PTPRD: variants seen among roughly 807,000 people sequenced by gnomAD.
PTPRD encodes protein tyrosine phosphatase receptor type D.
In PTPRD, 34 loss-of-function variants were observed where a neutral mutation model predicts 214.5. The observed-to-expected ratio is 0.16, with a 90% CI of 0.12 to 0.21. The LOEUF (loss-of-function observed/expected upper bound fraction) is 0.21. PTPRD is among the 10% of genes least tolerant of loss of function. PTPRD has a pLI of 1.00. For missense variants in PTPRD, 2,545 were observed against 2,398.7 expected (o/e 1.06, Z -1.27); for synonymous variants, 1,128 against 845.7 (o/e 1.33, Z -5.79).
At position 8,437,385 on chromosome 9, in the gene PTPRD, C is replaced by A. The variant is rs1042481512; in HGVS notation, c.3989-696G>T. The A allele has an allele frequency of 2.0e-5, 12 of 598,522 alleles. No homozygotes were observed. The African/African-American group carries it at 2.2e-4, about 11-fold the overall frequency. 37.1% of individuals were successfully genotyped at this position (598,522 alleles called of 1,614,324 possible). On this transcript the variant is annotated intron_variant, in intron 34 of 45. Coordinates refer to ENST00000381196, the MANE Select transcript of PTPRD (RefSeq NM_002839.4). The stretch of plus-strand genomic sequence containing the variant: ...AATTCACTATACATTGTGGCTAGTA[C>A]AATGTGACTACTACATTAAGATCGC...
intron 7 of PTPRD, among the ~76,000 whole-genome samples, chr9:9,621,305 C>T (rs1034685739): frequency 6.6e-6 from 1 of 152,138 alleles, no homozygotes; most frequent in Non-Finnish European, 1.5e-5. Context: ...TAAAAACATT[C>T]CCATTTTTCT....
intron 12 of PTPRD, among the ~76,000 whole-genome samples, chr9:8,667,561 C>A (rs887172097): frequency 6.6e-6 from 1 of 151,884 alleles, no homozygotes; most frequent in Non-Finnish European, 1.5e-5. Flanking sequence ...ATTTCATGCA[C>A]AAACTTATTT....
intron 4 of PTPRD, among the ~76,000 whole-genome samples, chr9:10,010,270 T>C (rs1399646194): frequency 6.6e-6 from 1 of 151,942 alleles, no homozygotes; most frequent in East Asian, 1.9e-4. Context: ...TTTTAAATTA[T>C]TTTAAAATGT....
intron 9 of PTPRD, among the ~76,000 whole-genome samples, chr9:9,315,681 T>G (rs1962411942): frequency 6.6e-6 from 1 of 151,794 alleles, no homozygotes; most frequent in African/African-American, 2.4e-5. Context: ...ACACATTTGC[T>G]ACTGTAGAAT....
Position 9,124,061 on chromosome 9 carries a change from C to A in PTPRD, c.-143+59243G>T, listed in dbSNP as rs567711304. Among the ~76,000 whole-genome samples, 62 of 152,148 alleles carry A rather than the reference C, an allele frequency of 4.1e-4. 4 individuals are homozygous for A. In the South Asian group the frequency reaches 0.012, roughly 30 times the overall value. On this transcript the variant is annotated intron_variant, in intron 10 of 45. Coordinates refer to ENST00000381196, the MANE Select transcript of PTPRD (RefSeq NM_002839.4). ...GGTAAACTGCCTAGGAAGTTAATAC[C>A]ACTAGTAAGCAAGGCATCAAGCAAT...
chr9:8,905,155 G>C (rs1018233690), intron 11 of PTPRD, among the ~76,000 whole-genome samples: 1 of 152,136 alleles, frequency 6.6e-6, no homozygotes, highest in East Asian at 1.9e-4. Flanking sequence ...TGAAGCTAAA[G>C]GATTTATGTA....
chr9:9,772,303 C>T (rs1213590451), intron 5 of PTPRD, among the ~76,000 whole-genome samples: 2 of 152,148 alleles, frequency 1.3e-5, no homozygotes, highest in African/African-American at 4.8e-5. Context: ...AACTTTTAGC[C>T]TACAAAATCA....
chr9:9,987,159 CCTTTTCTCTGGGTAGGCTGA>C (rs2095743679), intron 4 of PTPRD, among the ~76,000 whole-genome samples: 1 of 152,092 alleles, frequency 6.6e-6, no homozygotes, highest in African/African-American at 2.4e-5. Context: ...CAACCAACAA[CCTTTTCTCTGGGTAGGCTGA>C]CTATTAATAG....
chr9:10,346,292 T>C (rs950136743), intron 2 of PTPRD, among the ~76,000 whole-genome samples: 1 of 152,182 alleles, frequency 6.6e-6, no homozygotes, highest in Admixed American at 6.5e-5. Flanking sequence ...GACCTTGTTA[T>C]GTCCAGGAAT....
chr9:10,073,316 C>A (rs2098068622), intron 3 of PTPRD, among the ~76,000 whole-genome samples: 1 of 151,950 alleles, frequency 6.6e-6, no homozygotes, highest in South Asian at 2.1e-4. Context: ...GCAGAAGGGG[C>A]TGCCATAAGT....
At chr9:8,612,003 G>C (rs1232332029) in intron 14 of PTPRD, among the ~76,000 whole-genome samples, 3 of 125,246 alleles carry the variant, frequency 2.4e-5, no homozygotes, top group Non-Finnish European at 3.4e-5. Flanking sequence ...GTTTGGGAGG[G>C]GAGGGAAAGA....
chr9:10,603,406 G>C (rs145310139), intron 2 of PTPRD, among the ~76,000 whole-genome samples: 1 of 151,790 alleles, frequency 6.6e-6, no homozygotes, highest in Admixed American at 6.6e-5. Flanking sequence ...ATGATAACTT[G>C]TGCTCACTTC....
chr9:9,510,381 G>T (rs1011470291), intron 8 of PTPRD, among the ~76,000 whole-genome samples: 1 of 151,212 alleles, frequency 6.6e-6, no homozygotes, highest in South Asian at 2.1e-4. Context: ...AAACTTCCCA[G>T]CATATATTAG....
At chr9:9,689,647 C>A (rs2097229866) in intron 7 of PTPRD, among the ~76,000 whole-genome samples, 1 of 151,828 alleles carries the variant, frequency 6.6e-6, no homozygotes, top group African/African-American at 2.4e-5. Flanking sequence ...CTCCTCCCCT[C>A]TACTCTTCAT....
intron 7 of PTPRD, among the ~76,000 whole-genome samples, chr9:9,660,320 A>T (rs923315622): frequency 1.3e-5 from 2 of 151,956 alleles, no homozygotes; most frequent in African/African-American, 4.8e-5. Context: ...TGAAGAATAG[A>T]CTATAGGGAG....
intron 8 of PTPRD, among the ~76,000 whole-genome samples, chr9:9,516,303 A>G (rs552651959): frequency 1.3e-5 from 2 of 152,100 alleles, no homozygotes; most frequent in African/African-American, 4.8e-5. Context: ...GAGCAGTGAC[A>G]CCATTCAGCT....
At chr9:8,705,370 C>T (rs1232124021) in intron 12 of PTPRD, among the ~76,000 whole-genome samples, 1 of 152,284 alleles carries the variant, frequency 6.6e-6, no homozygotes, top group African/African-American at 2.4e-5. Flanking sequence ...CAGGCACCTG[C>T]TACCACGCCC....
intron 11 of PTPRD, among the ~76,000 whole-genome samples, chr9:8,880,146 T>C (rs924208038): frequency 1.3e-5 from 2 of 151,930 alleles, no homozygotes; most frequent in Non-Finnish European, 1.5e-5. Context: ...AAAGGTGGCA[T>C]TTTTTTCTCA....
In PTPRD at chr9:8,940,859, G is replaced by GACA. The variant is rs142873655; in HGVS notation, c.-104+77837_-104+77838insTGT. 3.8e-5 allele frequency among the ~76,000 whole-genome samples: 3 copies of GACA among 78,418 alleles called. No homozygotes were observed. The East Asian group carries it at 8.3e-4, about 22-fold the overall frequency. 51.4% of individuals were successfully genotyped at this position (78,418 alleles called of 152,430 possible). ...TGATGATGATGATGATGATGATGAT[G>GACA]TTCACAAGGCCAACCATACCTTTCA... is the stretch of plus-strand genomic sequence containing the variant. On this transcript the variant is annotated intron_variant, in intron 11 of 45. Transcript: ENST00000381196.
Sources: gnomAD v4.1 joint callset for allele counts (sites outside exome capture counted in the v4.1 genomes callset) on GRCh38, gnomAD v4.1.1 for gene constraint, MANE v1.5 for transcripts, NCBI Gene and HGNC (gene_info 2026-07-23, HGNC 2026-07-21) for gene names.